The following FHIT variants were observed in gnomAD, a reference collection of about 807,000 sequenced individuals.
FHIT encodes bis(5'-adenosyl)-triphosphatase.
A neutral mutation model predicts 17.9 loss-of-function variants in FHIT; 19 were observed. That is an observed-to-expected ratio of 1.06 (90% CI 0.74 to 1.56). The LOEUF (loss-of-function observed/expected upper bound fraction) is 1.56, where lower values mean the gene tolerates loss of function less well. FHIT is among the 40% of genes most tolerant of loss of function. FHIT has a pLI of 0.00. For synonymous variants in FHIT, 81 were observed against 69.7 expected (o/e 1.16, Z -0.81); for missense variants, 248 against 189.2 (o/e 1.31, Z -1.82).
intron 5 of FHIT, among the ~76,000 whole-genome samples, chr3:60,389,940 C>T (rs1374098524): frequency 7.9e-5 from 12 of 152,130 alleles, no homozygotes; most frequent in East Asian, 7.7e-4. Context: ...GCAAGTGTGA[C>T]GGCTGACCAC....
At chr3:60,987,471 T>C (rs1049171382) in intron 3 of FHIT, among the ~76,000 whole-genome samples, 1 of 152,216 alleles carries the variant, frequency 6.6e-6, no homozygotes, top group Admixed American at 6.5e-5. Context: ...GCCCAACCTA[T>C]TCCTTTAATT....
intron 3 of FHIT, among the ~76,000 whole-genome samples, chr3:61,014,905 C>CAT (rs1338892494): frequency 5.0e-5 from 7 of 140,010 alleles, no homozygotes; most frequent in Non-Finnish European, 6.1e-5. Flanking sequence ...CATCCATATA[C>CAT]ATATATATAT....
chr3:60,871,185 T>C (rs1553754934), intron 3 of FHIT, among the ~76,000 whole-genome samples: 1 of 152,152 alleles, frequency 6.6e-6, no homozygotes, highest in African/African-American at 2.4e-5. Flanking sequence ...TTCCTTTTTC[T>C]CGTTATATCA....
At chr3:60,005,324 G>GA (rs3836268) in intron 7 of FHIT, among the ~76,000 whole-genome samples, 139,386 of 152,180 alleles carry the variant, frequency 0.92, 63,911 homozygotes, top group East Asian at 0.99. Flanking sequence ...TCAATGATTT[G>GA]TATCTACTTA....
At chr3:61,067,168 C>T (rs1485572339) in intron 2 of FHIT, among the ~76,000 whole-genome samples, 1 of 152,156 alleles carries the variant, frequency 6.6e-6, no homozygotes, top group East Asian at 1.9e-4. Flanking sequence ...GCACTGTGCA[C>T]CTGCTACAAG....
At chr3:60,123,964 A>AT in intron 5 of FHIT, among the ~76,000 whole-genome samples, 1 of 51,550 alleles carries the variant, frequency 1.9e-5, no homozygotes, top group African/African-American at 1.1e-4. Context: ...GAAATGCACT[A>AT]AAAATATATA....
chr3:60,390,590 A>C (rs879799306), intron 5 of FHIT, among the ~76,000 whole-genome samples: 9 of 152,068 alleles, frequency 5.9e-5, no homozygotes, highest in Non-Finnish European at 1.2e-4. Flanking sequence ...TGACAGTTCC[A>C]TGCCTGTTAC....
chr3:59,897,481 C>T (rs1704120604), intron 8 of FHIT, among the ~76,000 whole-genome samples: 1 of 152,174 alleles, frequency 6.6e-6, no homozygotes, highest in South Asian at 2.1e-4. Context: ...GTCCTTCCAA[C>T]TACATCAAGA....
chr3:60,442,004 G>A (rs1166366873), intron 5 of FHIT, among the ~76,000 whole-genome samples: 2 of 150,330 alleles, frequency 1.3e-5, no homozygotes, highest in East Asian at 4.0e-4. Context: ...GACTACAGGT[G>A]CATGCTACCA....
intron 3 of FHIT, among the ~76,000 whole-genome samples, chr3:60,907,906 A>G (rs550096702): frequency 2.6e-5 from 4 of 152,348 alleles, no homozygotes; most frequent in Non-Finnish European, 4.4e-5. Context: ...CATTTTACAG[A>G]CAAAATGGAA....
intron 2 of FHIT, among the ~76,000 whole-genome samples, chr3:61,106,334 C>T (rs919485055): frequency 1.3e-5 from 2 of 152,118 alleles, no homozygotes; most frequent in Non-Finnish European, 2.9e-5. Context: ...GATCTATTCT[C>T]TTAGCAATTT....
At chr3:60,577,860 C>G (rs915921463) in intron 4 of FHIT, among the ~76,000 whole-genome samples, 1 of 152,092 alleles carries the variant, frequency 6.6e-6, no homozygotes, top group African/African-American at 2.4e-5. Context: ...TCTGCTTCCC[C>G]TTTTCTAATA....
chr3:61,044,591 T>C (rs1308036441), intron 2 of FHIT, among the ~76,000 whole-genome samples: 3 of 151,948 alleles, frequency 2.0e-5, no homozygotes, highest in Non-Finnish European at 4.4e-5. Context: ...TTCCCCAATC[T>C]AGCAATGCAG....
intron 2 of FHIT, among the ~76,000 whole-genome samples, chr3:61,163,322 C>T (rs2037748610): frequency 6.6e-6 from 1 of 152,216 alleles, no homozygotes; most frequent in African/African-American, 2.4e-5. Context: ...GATTTTCTGA[C>T]TAATGTCTCT....
intron 5 of FHIT, among the ~76,000 whole-genome samples, chr3:60,210,266 T>A (rs889172464): frequency 1.6e-4 from 24 of 152,134 alleles, no homozygotes; most frequent in African/African-American, 5.8e-4. Flanking sequence ...AAAGGTAAAA[T>A]CAGATCCATT....
chr3:60,668,507 A>G (rs2040433360), intron 4 of FHIT, among the ~76,000 whole-genome samples: 2 of 146,338 alleles, frequency 1.4e-5, no homozygotes, highest in Admixed American at 1.4e-4. Context: ...CACTCTAAAC[A>G]CTCTGCTACT....
intron 4 of FHIT, among the ~76,000 whole-genome samples, chr3:60,735,893 T>TA (rs1225919373): frequency 1.3e-5 from 2 of 152,214 alleles, no homozygotes; most frequent in African/African-American, 4.8e-5. Flanking sequence ...TGAGAGAACT[T>TA]AAATTCCAAT....
At chr3:60,547,801 T>C (rs2036417098) in intron 4 of FHIT, among the ~76,000 whole-genome samples, 1 of 117,972 alleles carries the variant, frequency 8.5e-6, no homozygotes, top group South Asian at 2.2e-4. Flanking sequence ...TGTTCAGTCA[T>C]TTTTTTGACA....
chr3:59,932,872 G>A (rs1292263370), intron 7 of FHIT, among the ~76,000 whole-genome samples: 2 of 152,072 alleles, frequency 1.3e-5, no homozygotes, highest in African/African-American at 2.4e-5. Flanking sequence ...GGAATTAACA[G>A]TCTTCCCTCC....
Sources: gnomAD v4.1 joint callset for allele counts (sites outside exome capture counted in the v4.1 genomes callset) on GRCh38, gnomAD v4.1.1 for gene constraint, MANE v1.5 for transcripts, NCBI Gene and HGNC (gene_info 2026-07-23, HGNC 2026-07-21) for gene names.